Variants in PALLD observed in about 807,000 individuals in gnomAD.
PALLD encodes palladin, cytoskeletal associated protein.
Under a neutral mutation model 123.5 loss-of-function variants are expected in PALLD, and 61 were observed. The ratio of observed to expected loss-of-function variants is 0.49; its 90% CI spans 0.40 to 0.61. PALLD has a LOEUF of 0.61. Among genes scored for constraint, PALLD ranks in the 20% least tolerant of loss-of-function variants. PALLD has a pLI of 0.00. For missense variants in PALLD, 1,273 were observed against 1,377.0 expected (o/e 0.92, Z 1.20); for synonymous variants, 465 against 496.4 (o/e 0.94, Z 0.84).
At chr4:168,611,018 G>A (rs943963234) in intron 2 of PALLD, among the ~76,000 whole-genome samples, 6 of 152,280 alleles carry the variant, frequency 3.9e-5, no homozygotes, top group Non-Finnish European at 4.4e-5. Context: ...ACTCCTGGCT[G>A]GAACAGTTGA....
At chr4:168,501,871 A>G (rs897345852) in intron 1 of PALLD, among the ~76,000 whole-genome samples, 1 of 152,200 alleles carries the variant, frequency 6.6e-6, no homozygotes, top group Admixed American at 6.5e-5. Flanking sequence ...ATTTTATCTT[A>G]TATGTCTGCA....
chr4:168,657,443 A>G (rs999301991), intron 2 of PALLD, among the ~76,000 whole-genome samples: 2 of 152,174 alleles, frequency 1.3e-5, no homozygotes, highest in African/African-American at 2.4e-5. Context: ...ATAACCCCAA[A>G]TGAGAGACTG....
intron 10 of PALLD, among the ~76,000 whole-genome samples, chr4:168,867,347 C>T (rs1324275353): frequency 2.0e-5 from 3 of 152,108 alleles, no homozygotes; most frequent in Non-Finnish European, 4.4e-5. Flanking sequence ...TGGAAAAGGC[C>T]TCCCCTGGTG....
chr4:168,522,418 A>T (rs914544161), intron 2 of PALLD, among the ~76,000 whole-genome samples: 1 of 152,230 alleles, frequency 6.6e-6, no homozygotes, highest in African/African-American at 2.4e-5. Flanking sequence ...ACTAGTATCA[A>T]ATAGTTGTTT....
intron 10 of PALLD, among the ~76,000 whole-genome samples, chr4:168,876,527 T>C (rs1751773869): frequency 6.6e-6 from 1 of 152,254 alleles, no homozygotes; most frequent in African/African-American, 2.4e-5. Flanking sequence ...TGTCTTCTCA[T>C]GGACTTAAGT....
intron 2 of PALLD, among the ~76,000 whole-genome samples, chr4:168,664,614 G>A (rs1056204218): frequency 3.3e-5 from 5 of 152,096 alleles, no homozygotes; most frequent in African/African-American, 1.2e-4. Flanking sequence ...GCCCAGTAAG[G>A]TATAAGTAAA....
chr4:168,759,188 AAAAAAAAAAAAAAAAT>A (rs1180716737), intron 10 of PALLD, among the ~76,000 whole-genome samples: 9 of 25,966 alleles, frequency 3.5e-4, no homozygotes, highest in African/African-American at 1.6e-3. Context: ...TCAAAAAAAA[AAAAAAAAAAAAAAAAT>A]ATATATATAT....
chr4:168,582,449 C>T (rs1472667959), intron 2 of PALLD, among the ~76,000 whole-genome samples: 1 of 152,014 alleles, frequency 6.6e-6, no homozygotes, highest in Non-Finnish European at 1.5e-5. Context: ...ATCTGAATCC[C>T]TTTTATTCCT....
intron 10 of PALLD, among the ~76,000 whole-genome samples, chr4:168,735,794 C>T (rs961609159): frequency 6.6e-6 from 1 of 152,104 alleles, no homozygotes; most frequent in African/African-American, 2.4e-5. Context: ...TTGATGATTG[C>T]TGAAAGTCTG....
At chr4:168,533,123 T>G (rs549719265) in intron 2 of PALLD, among the ~76,000 whole-genome samples, 1 of 152,198 alleles carries the variant, frequency 6.6e-6, no homozygotes, top group Non-Finnish European at 1.5e-5. Flanking sequence ...TGGAAAAATA[T>G]ACATCAAACC....
At position 168,926,994 on chromosome 4, in the gene PALLD, T is replaced by G; in HGVS notation, c.*814T>G. ...TTTCTAACAAGGTTAATACCTTAGT[T>G]CTTAACATTTTTTTTCTTTATGTGT... is the stretch of plus-strand genomic sequence containing the variant. On this transcript the variant is annotated 3_prime_UTR_variant, in exon 22 of 22. Coordinates refer to ENST00000505667, the MANE Select transcript of PALLD (RefSeq NM_001166108.2). 4.6e-6 allele frequency: 1 copy of G among 219,602 alleles called. No homozygotes were observed. The highest frequency in any genetic ancestry group is 9.2e-6 in the Non-Finnish European group (1 of 109,132). The allele number at this position is 219,602 out of a possible 1,614,324, so 13.6% of individuals were successfully genotyped here. A position where few individuals can be genotyped will look rare whatever the true frequency, so the allele number is the denominator to read the frequency against.
intron 10 of PALLD, among the ~76,000 whole-genome samples, chr4:168,764,619 C>T (rs773764419): frequency 2.6e-4 from 39 of 152,056 alleles, no homozygotes; most frequent in Non-Finnish European, 4.6e-4. Flanking sequence ...GAAAAAATCC[C>T]TCTCAGTATG....
chr4:168,629,440 T>C (rs1475007646), intron 2 of PALLD, among the ~76,000 whole-genome samples: 1 of 152,240 alleles, frequency 6.6e-6, no homozygotes, highest in Non-Finnish European at 1.5e-5. Context: ...GGACTGGGCA[T>C]ATGGGGAAGA....
chr4:168,631,386 T>C (rs1190853129), intron 2 of PALLD, among the ~76,000 whole-genome samples: 1 of 152,214 alleles, frequency 6.6e-6, no homozygotes, highest in Non-Finnish European at 1.5e-5. Context: ...CACAGCTGAA[T>C]GGGGAGTGGC....
intron 10 of PALLD, among the ~76,000 whole-genome samples, chr4:168,762,726 G>A (rs1327676267): frequency 3.3e-5 from 5 of 152,178 alleles, no homozygotes; most frequent in South Asian, 2.1e-4. Flanking sequence ...ACACGCACAC[G>A]TATGTTTATT....
chr4:168,927,052 T>G lies in PALLD; in HGVS notation c.*872T>G, dbSNP rs1447859601. The G allele has an allele frequency of 4.5e-6, 1 of 220,018 alleles. No homozygotes were observed. The highest frequency in any genetic ancestry group is 9.1e-6 in the Non-Finnish European group (1 of 109,412). 13.6% of individuals were successfully genotyped at this position (220,018 alleles called of 1,614,324 possible). ...TCATGCTACCTTGGTAGGAAACTTA[T>G]TTACAAACCATATTAAAAGGCTAAT... On this transcript the variant is annotated 3_prime_UTR_variant, in exon 22 of 22. Transcript: ENST00000505667.
At chr4:168,894,327 T>G in intron 11 of PALLD, 1 of 504,282 alleles carries the variant, frequency 2.0e-6, no homozygotes, top group Non-Finnish European at 3.6e-6. Context: ...TTCTTCCTTG[T>G]CGCTTATTGC....
chr4:168,829,779 A>G (rs949491476), intron 10 of PALLD, among the ~76,000 whole-genome samples: 1 of 152,244 alleles, frequency 6.6e-6, no homozygotes, highest in African/African-American at 2.4e-5. Flanking sequence ...AAATACTGTT[A>G]GAAATATTAG....
chr4:168,560,429 C>A (rs910937078), intron 2 of PALLD, among the ~76,000 whole-genome samples: 1 of 152,210 alleles, frequency 6.6e-6, no homozygotes, highest in African/African-American at 2.4e-5. Flanking sequence ...TGAAACTACT[C>A]AGCAGTTCCT....
Sources: allele counts gnomAD v4.1 joint callset (sites outside exome capture counted in the v4.1 genomes callset), GRCh38; gene constraint gnomAD v4.1.1; transcripts MANE v1.5; gene names NCBI Gene and HGNC (gene_info 2026-07-23, HGNC 2026-07-21).